BRI3: variants seen among roughly 807,000 people sequenced by gnomAD.
BRI3 encodes the protein membrane protein BRI3.
BRI3 carries 6 observed loss-of-function variants against 12.8 expected under a neutral mutation model. The ratio of observed to expected loss-of-function variants is 0.47; its 90% CI spans 0.26 to 0.93. The LOEUF is 0.93. Ranked by LOEUF, BRI3 falls within the 40% of genes least tolerant of loss-of-function variation. The pLI, the probability that BRI3 is intolerant of heterozygous loss-of-function variation, is 0.15. For synonymous variants in BRI3, 91 were observed against 76.1 expected (o/e 1.20, Z -1.02); for missense variants, 134 against 171.1 (o/e 0.78, Z 1.21).
chr7:98,292,700 G>A (rs369219865), downstream of BRI3: 175 of 1,551,600 alleles, frequency 1.1e-4, 1 homozygote, highest in African/African-American at 2.1e-3. Flanking sequence ...ATTCAAACAC[G>A]GAGAAACCAG....
At chr7:98,293,926 A>T (rs1292585517), downstream of BRI3, 7 of 927,838 alleles carry the variant, frequency 7.5e-6, no homozygotes, top group Non-Finnish European at 1.0e-5. Flanking sequence ...TGGTAAAGCG[A>T]GCAGGGGGCT....
intron 1 of BRI3, chr7:98,307,453 G>A: frequency 7.2e-7 from 1 of 1,391,580 alleles, no homozygotes; most frequent in Non-Finnish European, 9.3e-7. Flanking sequence ...ACTACTTTCA[G>A]ACAGGTGACT....
chr7:98,291,649 A>AT, downstream of BRI3: 1 of 420,844 alleles, frequency 2.4e-6, no homozygotes, highest in Non-Finnish European at 3.2e-6. Context: ...GCTCAAGAAA[A>AT]TGTTTTCAAG....
chr7:98,301,492 T>TATATATATAC (rs1427972128), intron 1 of BRI3, among the ~76,000 whole-genome samples: 2 of 150,236 alleles, frequency 1.3e-5, no homozygotes, highest in African/African-American at 4.9e-5. Flanking sequence ...TATATATATA[T>TATATATATAC]ATTTTAAGTG....
At chr7:98,317,365 T>C in the BRI3 span, 6 of 1,613,004 alleles carry the variant, frequency 3.7e-6, no homozygotes, top group Non-Finnish European at 5.1e-6. Flanking sequence ...GCCTGTAAGT[T>C]AAATGGCTGT....
rs1467916379 is a variant in BRI3 at position 98,288,498 on chromosome 7, A to T, written c.246-2613A>T. On this transcript the variant is annotated intron_variant, in intron 2 of 2. Coordinates refer to ENST00000297290, the MANE Select transcript of BRI3 (RefSeq NM_015379.5). Reference sequence around the variant, plus strand: ...CTTAAATAGGGGACACATTTGTAAAAGCCCACACAGGAAGTAGAAACTTTC... The same window carrying T: ...CTTAAATAGGGGACACATTTGTAAATGCCCACACAGGAAGTAGAAACTTTC... 1.6e-4 allele frequency among the ~76,000 whole-genome samples: 25 copies of T among 151,840 alleles called. 1 individual carries two copies. Among genetic ancestry groups the T allele is most frequent in the African/African-American group, 6.0e-4 (25 of 41,410 alleles).
chr7:98,297,659 C>T (rs1216316847), downstream of BRI3, among the ~76,000 whole-genome samples: 2 of 152,148 alleles, frequency 1.3e-5, no homozygotes, highest in Non-Finnish European at 2.9e-5. Context: ...CCCCTTTATT[C>T]TCAAAAGGGG....
downstream of BRI3, chr7:98,293,991 C>T: frequency 6.8e-7 from 1 of 1,470,810 alleles, no homozygotes; most frequent in Non-Finnish European, 9.5e-7. Context: ...ACCCCCTGGG[C>T]TGGGCACCGA....
At chr7:98,312,074 T>C, downstream of BRI3, 1 of 1,572,086 alleles carries the variant, frequency 6.4e-7, no homozygotes. Context: ...GATTGAAATC[T>C]GGAAGAGAAA....
chr7:98,318,374 T>C, the BRI3 span, among the ~76,000 whole-genome samples: 1 of 151,944 alleles, frequency 6.6e-6, no homozygotes, highest in Non-Finnish European at 1.5e-5. Flanking sequence ...CTGCACTCTC[T>C]GCCTCCCGGG....
At chr7:98,301,662 G>GGTGT (rs140880740), upstream of BRI3, among the ~76,000 whole-genome samples, 12 of 151,400 alleles carry the variant, frequency 7.9e-5, no homozygotes, top group African/African-American at 2.9e-4. Context: ...TGAAGATGAT[G>GGTGT]GTGTGTGTGT....
intron 2 of BRI3, among the ~76,000 whole-genome samples, chr7:98,288,582 G>T (rs1300163047): frequency 7.0e-6 from 1 of 143,736 alleles, no homozygotes; most frequent in African/African-American, 2.5e-5. Flanking sequence ...GTGCCCTGCA[G>T]CCCAGCTCAG....
At chr7:98,287,149 C>T (rs35983874) in intron 2 of BRI3, among the ~76,000 whole-genome samples, 60,795 of 152,268 alleles carry the variant, frequency 0.4, 13,340 homozygotes, top group Middle Eastern at 0.54. Flanking sequence ...CCTCCTGGGA[C>T]AGCTGGATCT....
chr7:98,293,570 T>C, downstream of BRI3: 5 of 1,613,880 alleles, frequency 3.1e-6, no homozygotes, highest in Non-Finnish European at 4.2e-6. Context: ...CGGGCGGAGT[T>C]TCACAGTGGC....
downstream of BRI3, among the ~76,000 whole-genome samples, chr7:98,314,557 T>A (rs73709465): frequency 1.1e-3 from 175 of 152,326 alleles, 1 homozygote; most frequent in African/African-American, 4.1e-3. Flanking sequence ...GCATCATGAT[T>A]CCTGGGGGTT....
At chr7:98,286,357 A>G (rs1799710639) in intron 2 of BRI3, among the ~76,000 whole-genome samples, 1 of 152,182 alleles carries the variant, frequency 6.6e-6, no homozygotes, top group Admixed American at 6.5e-5. Flanking sequence ...GGCCACTTTC[A>G]CTGCAGGACT....
downstream of BRI3, among the ~76,000 whole-genome samples, chr7:98,296,551 G>A (rs1800199698): frequency 6.6e-6 from 1 of 152,206 alleles, no homozygotes; most frequent in Non-Finnish European, 1.5e-5. Flanking sequence ...CTTGAACAGG[G>A]AGGCAGAGGT....
At chr7:98,282,118 C>T (rs1799538753) in intron 1 of BRI3, among the ~76,000 whole-genome samples, 181 bp downstream of exon 1, 1 of 152,168 alleles carries the variant, frequency 6.6e-6, no homozygotes, top group Non-Finnish European at 1.5e-5. Flanking sequence ...CTCTAGTCCT[C>T]GGGCCCGTCG....
chr7:98,311,184 A>G (rs1272136673), downstream of BRI3, among the ~76,000 whole-genome samples: 2 of 152,150 alleles, frequency 1.3e-5, no homozygotes, highest in African/African-American at 2.4e-5. Context: ...AGTGTGTCTA[A>G]TTTATTCTGA....
Sources: gnomAD v4.1 joint callset for allele counts (sites outside exome capture counted in the v4.1 genomes callset) on GRCh38, gnomAD v4.1.1 for gene constraint, MANE v1.5 for transcripts, NCBI Gene and HGNC (gene_info 2026-07-23, HGNC 2026-07-21) for gene names.